Variants in PCDHGB2 observed in about 807,000 individuals in gnomAD.
PCDHGB2 encodes the protein protocadherin gamma-B2.
PCDHGB2 carries 55 observed loss-of-function variants against 59.3 expected under a neutral mutation model. The observed-to-expected ratio is 0.93, with a 90% CI of 0.75 to 1.16. PCDHGB2 has a LOEUF of 1.16. PCDHGB2 is among the 50% of genes most tolerant of loss of function. PCDHGB2 has a pLI of 0.00. For synonymous variants in PCDHGB2, 516 were observed against 512.0 expected, an observed-to-expected ratio of 1.01 and a Z score of -0.11; for missense variants, 1,228 against 1,198.5, an observed-to-expected ratio of 1.02 and a Z score of -0.36.
At position 141,398,098 on chromosome 5, in the gene PCDHGB2, C is replaced by T. The variant is rs770737294; in HGVS notation, c.2421+35542C>T. 2.5e-6 allele frequency: 4 copies of T among 1,596,954 alleles called. No homozygotes were observed. In the South Asian group the frequency reaches 4.5e-5, roughly 18 times the overall value. ...TTATTTGTAACCTGGCGTCTCCAGGCTGGTGAGCAAGCTGAGGAGAGCAAG... is the reference window on the plus strand; with the variant it reads ...TTATTTGTAACCTGGCGTCTCCAGGTTGGTGAGCAAGCTGAGGAGAGCAAG... On this transcript the variant is annotated intron_variant, in intron 1 of 3. Transcript: ENST00000522605.
chr5:141,450,702 G>T (rs1466981422), intron 1 of PCDHGB2, among the ~76,000 whole-genome samples: 6 of 152,026 alleles, frequency 3.9e-5, no homozygotes, highest in South Asian at 2.1e-4. Flanking sequence ...GCCCAGGATG[G>T]TCTCCAACTC....
At chr5:141,385,101 C>T (rs1373310406) in intron 1 of PCDHGB2, 1 of 1,614,078 alleles carries the variant, frequency 6.2e-7, no homozygotes, top group Admixed American at 1.7e-5. Flanking sequence ...GCTTGGCGAA[C>T]GTGCCCACCT....
rs563642216 is a variant in PCDHGB2, at chr5:141,376,735, G to A, written c.2421+14179G>A. The A allele has an allele frequency of 1.9e-5, 10 of 521,610 alleles. 1 individual carries two copies. The South Asian group carries it at 2.3e-4, about 12-fold the overall frequency. 32.3% of individuals were successfully genotyped at this position (521,610 alleles called of 1,614,324 possible). ...CGCTCTGTCGCCCAGGCCGGACTGC[G>A]GACTGCAGTGGCGCAATCTCGGCTC... On this transcript the variant is annotated intron_variant, in intron 1 of 3. Coordinates refer to ENST00000522605, the MANE Select transcript of PCDHGB2 (RefSeq NM_018923.3).
At chr5:141,494,181 C>T (rs2099752517) in intron 1 of PCDHGB2, among the ~76,000 whole-genome samples, 1 of 152,136 alleles carries the variant, frequency 6.6e-6, no homozygotes, top group Non-Finnish European at 1.5e-5. Flanking sequence ...GAGAAGTGTC[C>T]CGGGACTTGG....
intron 1 of PCDHGB2, chr5:141,424,478 G>A (rs953233220): frequency 3.3e-5 from 5 of 151,898 alleles, no homozygotes; most frequent in Admixed American, 6.6e-5. Context: ...CTTTTACTTT[G>A]GTGTCTGTGT....
At position 141,432,432 on chromosome 5, in the gene PCDHGB2, A is replaced by G. The variant is rs1431760497; in HGVS notation, c.2422-62375A>G. On this transcript the variant is annotated intron_variant, in intron 1 of 3. Transcript: ENST00000522605. This position sits in a 1 kb window ranked among gnomAD's most constrained non-coding sequence, Gnocchi z 6.0. ...CTGTTCGTGCTGGACCAGAACGACA[A>G]TGCGCCCGAGATCCTGTACCCCGCC... The G allele has an allele frequency of 2.5e-6, 4 of 1,614,156 alleles. No homozygotes were observed. Among genetic ancestry groups the G allele is most frequent in the Non-Finnish European group, 3.4e-6 (4 of 1,180,028 alleles).
chr5:141,491,742 C>T lies in PCDHGB2; in HGVS notation c.2422-3065C>T. On this transcript the variant is annotated intron_variant, in intron 1 of 3. Transcript: ENST00000522605. This position sits in a 1 kb window ranked among gnomAD's most constrained non-coding sequence, Gnocchi z 6.9. ...CGCCCCGGGCGACCCCTGGGGGCGG[C>T]ACTGGAGAAGCCGCCCGTCCTCATA... 6.3e-7 allele frequency: 1 copy of T among 1,596,114 alleles called. No individual in the cohort carries two copies. Among genetic ancestry groups the T allele is most frequent in the African/African-American group, 1.3e-5 (1 of 74,260 alleles).
intron 1 of PCDHGB2, chr5:141,428,284 G>A (rs762469333): frequency 4.2e-5 from 31 of 734,822 alleles, no homozygotes. Flanking sequence ...TGATTCCCAA[G>A]CAAAGCTGCA....
At chr5:141,415,458 C>G (rs2095871921) in intron 1 of PCDHGB2, 7 of 1,614,204 alleles carry the variant, frequency 4.3e-6, no homozygotes, top group Non-Finnish European at 5.1e-6. Context: ...CCCACGAGGT[C>G]TCTCTCACCG....
At position 141,362,421 on chromosome 5, in the gene PCDHGB2, G is replaced by A. The variant is rs1292058776; in HGVS notation, c.2286G>A (p.Lys762=). ...YNLCVASQSA[K]TEFNFLNITP... ...TGTGTGTTGCCTCACAATCAGCCAA[G>A]ACAGAGTTCAATTTTCTGAACATAA... is the stretch of plus-strand genomic sequence containing the variant. Residue 762 remains lysine, a synonymous_variant, in exon 1 of 4, where the codon AAG becomes AAA. Coordinates refer to ENST00000522605, the MANE Select transcript of PCDHGB2 (RefSeq NM_018923.3). 1 of 1,613,910 alleles carries A rather than the reference G, an allele frequency of 6.2e-7. No individual in the cohort carries two copies. Among genetic ancestry groups the A allele is most frequent in the African/African-American group, 1.3e-5 (1 of 74,924 alleles).
In PCDHGB2 at chr5:141,475,486, T is replaced by C. The variant is rs576743657; in HGVS notation, c.2422-19321T>C. Among the ~76,000 whole-genome samples, 14 of 152,370 alleles carry C rather than the reference T, an allele frequency of 9.2e-5. No homozygotes were observed. In the East Asian group the frequency reaches 2.7e-3, roughly 29 times the overall value. On this transcript the variant is annotated intron_variant, in intron 1 of 3. Transcript: ENST00000522605. ...AATGCTAATTTCATTTGGTAAGAGA[T>C]AAAACTGAAATTATTAATGTCTCCA...
intron 2 of PCDHGB2, among the ~76,000 whole-genome samples, chr5:141,500,900 C>T (rs1309164700): frequency 4.0e-5 from 6 of 150,642 alleles, no homozygotes; most frequent in South Asian, 2.1e-4. Flanking sequence ...GAGACAGTCT[C>T]GCTCTGTCTC....
chr5:141,495,034 A>C (rs986393420), intron 2 of PCDHGB2, 169 bp downstream of exon 2: 1 of 962,702 alleles, frequency 1.0e-6, no homozygotes, highest in Non-Finnish European at 1.2e-6. Context: ...CCCCGGAAGG[A>C]AGAGGCGACT....
At chr5:141,446,508 G>A (rs932199756) in intron 1 of PCDHGB2, among the ~76,000 whole-genome samples, 4 of 151,356 alleles carry the variant, frequency 2.6e-5, no homozygotes, top group Non-Finnish European at 5.9e-5. Flanking sequence ...ATGGAGTCTC[G>A]CTCTGTCACC....
chr5:141,433,358 C>CCTATCTATCTATCTATCTAT (rs3074541), intron 1 of PCDHGB2: 39 of 504,044 alleles, frequency 7.7e-5, no homozygotes, highest in Admixed American at 1.8e-4. Context: ...CTACTGTCTG[C>CCTATCTATCTATCTATCTAT]CTATCTATCT....
chr5:141,428,454 C>A, intron 1 of PCDHGB2: 1 of 365,394 alleles, frequency 2.7e-6, no homozygotes, highest in Non-Finnish European at 5.2e-6. Context: ...TTTTTCCCAA[C>A]TACAATGAGG....
chr5:141,453,067 C>A (rs1227122711), intron 1 of PCDHGB2, among the ~76,000 whole-genome samples: 1 of 152,024 alleles, frequency 6.6e-6, no homozygotes, highest in African/African-American at 2.4e-5. Context: ...AGAGTTTTGC[C>A]ACACTCTGGT....
intron 1 of PCDHGB2, among the ~76,000 whole-genome samples, chr5:141,387,508 G>T (rs537615944): frequency 6.7e-4 from 102 of 152,312 alleles, no homozygotes; most frequent in African/African-American, 2.3e-3. Context: ...ATTTTTAGAC[G>T]TCATTAAATA....
At chr5:141,379,666 A>C (rs1254771519) in intron 1 of PCDHGB2, 1 of 152,160 alleles carries the variant, frequency 6.6e-6, no homozygotes, top group East Asian at 1.9e-4. Context: ...CTCTCACAAA[A>C]GTCATTCACT....
Sources: gnomAD v4.1 joint callset for allele counts (sites outside exome capture counted in the v4.1 genomes callset) on GRCh38, gnomAD v4.1.1 for gene constraint, Gnocchi (gnomAD v3.1) non-coding constraint, MANE v1.5 for transcripts, NCBI Gene and HGNC (gene_info 2026-07-23, HGNC 2026-07-21) for gene names.